The following GRIN2A variants were observed in gnomAD, a reference collection of about 807,000 sequenced individuals.
GRIN2A encodes glutamate ionotropic receptor NMDA type subunit 2A.
In GRIN2A, 22 loss-of-function variants were observed where a neutral mutation model predicts 113.4. The ratio of observed to expected loss-of-function variants is 0.19; its 90% CI spans 0.14 to 0.28. The LOEUF (loss-of-function observed/expected upper bound fraction) is 0.28. Ranked by LOEUF, GRIN2A falls within the 10% of genes least tolerant of loss-of-function variation. The pLI is 1.00. For synonymous variants in GRIN2A, 827 were observed against 738.4 expected (o/e 1.12, Z -1.94); for missense variants, 1,502 against 1,887.0 (o/e 0.80, Z 3.78).
chr16:10,020,272 A>G (rs1268738565), intron 2 of GRIN2A, among the ~76,000 whole-genome samples: 1 of 152,128 alleles, frequency 6.6e-6, no homozygotes, highest in Non-Finnish European at 1.5e-5. Context: ...TTAGCAGGGC[A>G]TGGGGCGTGG....
chr16:9,753,924 G>C lies in GRIN2A; in HGVS notation c.*9225C>G. The C allele has an allele frequency of 5.6e-6, 1 of 178,422 alleles. No homozygotes were observed. The highest frequency in any genetic ancestry group is 9.4e-5 in the East Asian group (1 of 10,692). The allele number at this position is 178,422 out of a possible 1,614,324, so 11.1% of individuals were successfully genotyped here. A position where few individuals can be genotyped will look rare whatever the true frequency, so the allele number is the denominator to read the frequency against. On this transcript the variant is annotated 3_prime_UTR_variant, in exon 13 of 13. Transcript: ENST00000330684. ...TGGAGTTCAATCCTAGCCTTGTTGG[G>C]TTAAAAATGGACTCAGACATAAACC...
At chr16:9,892,860 T>C (rs562702741) in intron 3 of GRIN2A, among the ~76,000 whole-genome samples, 1 of 150,748 alleles carries the variant, frequency 6.6e-6, no homozygotes, top group Admixed American at 6.6e-5. Context: ...GATTGAAGCA[T>C]TCAAAGACTT....
intron 2 of GRIN2A, among the ~76,000 whole-genome samples, chr16:10,060,516 A>G (rs566035816): frequency 6.6e-6 from 1 of 152,310 alleles, no homozygotes; most frequent in Admixed American, 6.5e-5. Context: ...CTTTCCTCTG[A>G]TATCCATTGT....
chr16:10,009,916 C>G (rs553412930), intron 2 of GRIN2A, among the ~76,000 whole-genome samples: 3 of 152,166 alleles, frequency 2.0e-5, no homozygotes, highest in African/African-American at 7.2e-5. Context: ...AGAGACAGGC[C>G]GGATGATGGC....
intron 2 of GRIN2A, among the ~76,000 whole-genome samples, chr16:9,963,337 C>A (rs1363210429): frequency 6.6e-6 from 1 of 152,104 alleles, no homozygotes; most frequent in African/African-American, 2.4e-5. Flanking sequence ...CATAGGTATA[C>A]ACGTGCCATG....
Position 9,841,124 on chromosome 16 carries a change from G to A in GRIN2A, c.1329-20C>T, listed in dbSNP as rs750963666. On this transcript the variant is annotated intron_variant, in intron 5 of 12. Coordinates refer to ENST00000330684, the MANE Select transcript of GRIN2A (RefSeq NM_001134407.3). ...GAATTGCTGTAAAGAAAAACCCCAA[G>A]ACCACAGAATGTTAGCACTGGAAGG... The A allele has an allele frequency of 1.2e-6, 2 of 1,602,304 alleles. No individual in the cohort carries two copies. The highest frequency in any genetic ancestry group is 1.7e-6 in the Non-Finnish European group (2 of 1,169,468).
intron 4 of GRIN2A, among the ~76,000 whole-genome samples, chr16:9,854,005 G>C (rs16966505): frequency 0.011 from 1,624 of 152,092 alleles, 22 homozygotes; most frequent in African/African-American, 0.036. Context: ...TTTTACTTAT[G>C]AGACTATGAT....
chr16:9,821,148 A>G (rs147938361), intron 10 of GRIN2A, among the ~76,000 whole-genome samples: 1 of 152,256 alleles, frequency 6.6e-6, no homozygotes, highest in African/African-American at 2.4e-5. Flanking sequence ...GAGGTTATTT[A>G]TTAAGCCACA....
intron 2 of GRIN2A, among the ~76,000 whole-genome samples, chr16:10,053,202 C>A (rs538421274): frequency 6.6e-6 from 1 of 152,196 alleles, no homozygotes; most frequent in East Asian, 1.9e-4. Context: ...TGAAACTTTC[C>A]AAATTCAGCA....
intron 11 of GRIN2A, among the ~76,000 whole-genome samples, chr16:9,770,715 C>A (rs1901217641): frequency 6.6e-6 from 1 of 152,148 alleles, no homozygotes. Context: ...TTAGTTCTGG[C>A]AAAAATTCAC....
chr16:9,976,844 A>G (rs1056074136), intron 2 of GRIN2A, among the ~76,000 whole-genome samples: 9 of 152,162 alleles, frequency 5.9e-5, no homozygotes, highest in African/African-American at 2.2e-4. Context: ...CCAGCCTGAC[A>G]CCACATCGCG....
chr16:9,816,725 A>T (rs2042193709), intron 10 of GRIN2A, among the ~76,000 whole-genome samples: 1 of 152,164 alleles, frequency 6.6e-6, no homozygotes, highest in Non-Finnish European at 1.5e-5. Flanking sequence ...TGTTCTTAAA[A>T]TTTGATTAGG....
chr16:9,938,098 C>T lies in GRIN2A; in HGVS notation c.868G>A (p.Ala290Thr). The T allele has an allele frequency of 6.2e-7, 1 of 1,614,092 alleles. No individual in the cohort carries two copies. The highest frequency in any genetic ancestry group is 8.5e-7 in the Non-Finnish European group (1 of 1,179,960). ...SYDDWDYSLE[A>T]RVRDGIGILT... Reference sequence around the variant, plus strand: ...ATGCCAATGCCGTCCCTCACTCTCGCCTCCAGGCTGTAGTCCCAGTCATCG... The same window carrying T: ...ATGCCAATGCCGTCCCTCACTCTCGTCTCCAGGCTGTAGTCCCAGTCATCG... Residue 290 changes from alanine to threonine, a missense_variant, in exon 3 of 13, where the codon GCG becomes ACG. By Grantham distance (58) the Ala-to-Thr change is moderately conservative. Transcript: ENST00000330684.
chr16:9,884,525 G>A (rs1216986456), intron 4 of GRIN2A, among the ~76,000 whole-genome samples: 1 of 151,868 alleles, frequency 6.6e-6, no homozygotes, highest in East Asian at 1.9e-4. Flanking sequence ...CTCCAGCCTG[G>A]GTGACAGTGT....
At chr16:10,013,707 A>T (rs2046552388) in intron 2 of GRIN2A, among the ~76,000 whole-genome samples, 1 of 152,192 alleles carries the variant, frequency 6.6e-6, no homozygotes, top group African/African-American at 2.4e-5. Context: ...CGAAACCATG[A>T]CCACTGAAGT....
intron 5 of GRIN2A, among the ~76,000 whole-genome samples, chr16:9,845,893 G>A (rs12596342): frequency 0.15 from 22,084 of 152,226 alleles, 1,664 homozygotes; most frequent in South Asian, 0.23. Flanking sequence ...TTCTAACCAC[G>A]TAAGTTCCAT....
In GRIN2A at chr16:9,930,864, A is replaced by T. The variant is rs776466804; in HGVS notation, c.1007+7095T>A. On this transcript the variant is annotated intron_variant, in intron 3 of 12. Transcript: ENST00000330684. Reference sequence around the variant, plus strand: ...GAAATGAAGATTTAAAGTAGTATCAATGTAACTTAGACATGAATAAAACTC... The same window carrying T: ...GAAATGAAGATTTAAAGTAGTATCATTGTAACTTAGACATGAATAAAACTC... Among the ~76,000 whole-genome samples, 11 of 152,252 alleles carry T rather than the reference A, an allele frequency of 7.2e-5. No homozygotes were observed. The South Asian group carries it at 2.3e-3, about 32-fold the overall frequency.
intron 2 of GRIN2A, among the ~76,000 whole-genome samples, chr16:10,089,118 G>A (rs946318839): frequency 6.6e-6 from 1 of 152,118 alleles, no homozygotes; most frequent in Admixed American, 6.5e-5. Context: ...AATAATGCCT[G>A]GCACAAAGTA....
chr16:10,020,813 A>G (rs2046706502), intron 2 of GRIN2A, among the ~76,000 whole-genome samples: 1 of 152,196 alleles, frequency 6.6e-6, no homozygotes, highest in African/African-American at 2.4e-5. Context: ...CATCATTATT[A>G]TCATTGCTAC....
Sources: gnomAD v4.1 joint callset for allele counts (sites outside exome capture counted in the v4.1 genomes callset) on GRCh38, gnomAD v4.1.1 for gene constraint, MANE v1.5 for transcripts, NCBI Gene and HGNC (gene_info 2026-07-23, HGNC 2026-07-21) for gene names.